The following CYLC2 variants were observed in gnomAD, a reference collection of about 807,000 sequenced individuals.
The protein encoded by CYLC2 is cylicin 2, also known as cylicin-2.
Under a neutral mutation model 26.1 loss-of-function variants are expected in CYLC2, and 30 were observed. The ratio of observed to expected loss-of-function variants is 1.15; its 90% CI spans 0.86 to 1.56. The LOEUF (loss-of-function observed/expected upper bound fraction) is 1.56, where lower values mean the gene tolerates loss of function less well. CYLC2 is among the 40% of genes most tolerant of loss of function. The pLI, the probability that CYLC2 is intolerant of heterozygous loss-of-function variation, is 0.00. For missense variants in CYLC2, 498 were observed against 394.4 expected, an observed-to-expected ratio of 1.26 and a Z score of -2.23; for synonymous variants, 158 against 132.8, an observed-to-expected ratio of 1.19 and a Z score of -1.31.
chr9:103,010,236 T>C (rs1322246521), intron 5 of CYLC2, among the ~76,000 whole-genome samples: 1 of 152,056 alleles, frequency 6.6e-6, no homozygotes, highest in Non-Finnish European at 1.5e-5. Flanking sequence ...CAAATTACTT[T>C]ATAATCAAGA....
rs536866680 is a variant in CYLC2 at position 103,006,580 on chromosome 9, A to T, written c.*700+202A>T. Among the ~76,000 whole-genome samples the T allele has an allele frequency of 2.0e-4, 31 of 151,772 alleles. No individual in the cohort carries two copies. In the East Asian group the frequency reaches 2.7e-3, roughly 13 times the overall value. The stretch of plus-strand genomic sequence containing the variant: ...GGCGCCTGCCACCAAGCCCAGCTGA[A>T]TTTTTTTGTATTTTTAGTAGAGACG... On this transcript the variant is annotated intron_variant, in intron 5 of 7. Coordinates refer to ENST00000374798, the MANE Select transcript of CYLC2 (RefSeq NM_001340.5).
intron 1 of CYLC2, among the ~76,000 whole-genome samples, chr9:102,996,573 C>T (rs183556952): frequency 2.0e-5 from 3 of 151,866 alleles, no homozygotes; most frequent in Non-Finnish European, 4.4e-5. Context: ...TTCTTAATAA[C>T]AAATTAGCAT....
intron 6 of CYLC2, among the ~76,000 whole-genome samples, chr9:103,013,103 A>G (rs934191655): frequency 7.2e-6 from 1 of 139,260 alleles, no homozygotes; most frequent in African/African-American, 2.6e-5. Flanking sequence ...ATATAAAAAT[A>G]TATATCATAA....
intron 3 of CYLC2, 122 bp downstream of exon 3, chr9:103,003,385 T>G: frequency 1.2e-6 from 1 of 856,848 alleles, no homozygotes; most frequent in Non-Finnish European, 1.7e-6. Context: ...TGTGAAATCA[T>G]GTATAGTTGT....
chr9:103,017,778 A>G (rs1174224173), intron 7 of CYLC2, among the ~76,000 whole-genome samples: 1 of 151,954 alleles, frequency 6.6e-6, no homozygotes, highest in Non-Finnish European at 1.5e-5. Context: ...AGTGTTCTGG[A>G]AGGCTAAAAG....
chr9:103,002,357 C>CCCTT lies in CYLC2; in HGVS notation c.58+739_58+740insCCTT. ...TTCTTGGGTGTATAGCATTTGCCCCCTTTTTTTTTTTTTTTTTTTTTTTTT... is the reference window on the plus strand; with the variant it reads ...TTCTTGGGTGTATAGCATTTGCCCCCCCTTTTTTTTTTTTTTTTTTTTTTTTTTT... On this transcript the variant is annotated intron_variant, in intron 2 of 7. Coordinates refer to ENST00000374798, the MANE Select transcript of CYLC2 (RefSeq NM_001340.5). Among the ~76,000 whole-genome samples the CCCTT allele has an allele frequency of 5.2e-5, 4 of 77,620 alleles. 2 individuals carry two copies. Among genetic ancestry groups the CCCTT allele is most frequent in the Non-Finnish European group, 4.6e-5 (2 of 43,250 alleles). The allele number at this position is 77,620 out of a possible 152,430, so 50.9% of individuals were successfully genotyped here. A position where few individuals can be genotyped will look rare whatever the true frequency, so the allele number is the denominator to read the frequency against.
intron 6 of CYLC2, among the ~76,000 whole-genome samples, chr9:103,015,923 C>T (rs949711734): frequency 1.3e-5 from 2 of 149,710 alleles, no homozygotes; most frequent in Non-Finnish European, 3.0e-5. Flanking sequence ...CATTAAGGCT[C>T]AGGTCTGGAA....
intron 6 of CYLC2, among the ~76,000 whole-genome samples, chr9:103,013,065 G>T (rs374819730): frequency 7.0e-6 from 1 of 142,540 alleles, no homozygotes; most frequent in Non-Finnish European, 1.5e-5. Context: ...AAAACTAATT[G>T]TATATGTATA....
At chr9:102,995,442 CT>C in intron 1 of CYLC2, 45 bp downstream of exon 1, 1 of 1,420,956 alleles carries the variant, frequency 7.0e-7, no homozygotes, top group Non-Finnish European at 9.9e-7. Flanking sequence ...TACTCGTTAG[CT>C]TTACATTTAA....
chr9:103,012,447 C>T (rs1349733712), intron 6 of CYLC2, among the ~76,000 whole-genome samples: 2 of 151,802 alleles, frequency 1.3e-5, no homozygotes, highest in Non-Finnish European at 2.9e-5. Flanking sequence ...CTGAAGACAC[C>T]GAATATTTTC....
chr9:102,997,874 C>A (rs1433432356), intron 1 of CYLC2, among the ~76,000 whole-genome samples: 1 of 151,798 alleles, frequency 6.6e-6, no homozygotes, highest in African/African-American at 2.4e-5. Flanking sequence ...TAAAGGTTTA[C>A]CCCTGAAAAA....
intron 5 of CYLC2, among the ~76,000 whole-genome samples, chr9:103,009,000 C>T (rs972618121): frequency 6.6e-6 from 1 of 152,118 alleles, no homozygotes; most frequent in Non-Finnish European, 1.5e-5. Context: ...TTTCCCTGCC[C>T]TCATGTGACA....
At chr9:102,997,643 A>G (rs985506243) in intron 1 of CYLC2, among the ~76,000 whole-genome samples, 1 of 152,000 alleles carries the variant, frequency 6.6e-6, no homozygotes, top group African/African-American at 2.4e-5. Context: ...CTAGCAAGAT[A>G]TCTGGCAATA....
At chr9:103,016,603 A>T (rs10990437) in intron 6 of CYLC2, among the ~76,000 whole-genome samples, 6 of 151,758 alleles carry the variant, frequency 4.0e-5, no homozygotes, top group Non-Finnish European at 8.8e-5. Context: ...AATCTCTATC[A>T]GTGACCTATT....
chr9:103,002,356 CCTTTTT>C (rs1829296680), intron 2 of CYLC2, among the ~76,000 whole-genome samples: 8 of 125,820 alleles, frequency 6.4e-5, no homozygotes, highest in Admixed American at 4.4e-4. Flanking sequence ...GCATTTGCCC[CCTTTTT>C]TTTTTTTTTT....
chr9:103,005,809 AAAG>A lies in CYLC2; in HGVS notation c.*135_*137del. 9.7e-7 allele frequency: 1 copy of A among 1,027,472 alleles called. No homozygotes were observed. The highest frequency in any genetic ancestry group is 1.4e-6 in the Non-Finnish European group (1 of 698,878). 63.6% of individuals were successfully genotyped at this position (1,027,472 alleles called of 1,614,324 possible). ...AATTAAATAATTTTTAAAAGGTGGT[AAAG>A]AAGGATACAAAGGAGAACTCAGCAG... On this transcript the variant is annotated 3_prime_UTR_variant, in exon 5 of 8. Coordinates refer to ENST00000374798, the MANE Select transcript of CYLC2 (RefSeq NM_001340.5).
chr9:103,014,889 G>A (rs1228084220), intron 6 of CYLC2, among the ~76,000 whole-genome samples: 1 of 133,014 alleles, frequency 7.5e-6, no homozygotes, highest in African/African-American at 2.8e-5. Context: ...TGTATATTAT[G>A]TAATATACAT....
intron 3 of CYLC2, 87 bp downstream of exon 3, chr9:103,003,350 T>TAA (rs1829308259): frequency 8.4e-7 from 1 of 1,188,856 alleles, no homozygotes; most frequent in East Asian, 2.6e-5. Flanking sequence ...ATAATTAGTC[T>TAA]TAAGTAATCA....
intron 1 of CYLC2, 69 bp from the exon 2 acceptor site, chr9:103,001,509 A>G (rs1342212551): frequency 1.1e-6 from 1 of 943,614 alleles, no homozygotes; most frequent in Non-Finnish European, 1.6e-6. Flanking sequence ...TACTGGAGTA[A>G]AATAATGACA....
Sources: allele counts gnomAD v4.1 joint callset (sites outside exome capture counted in the v4.1 genomes callset), GRCh38; gene constraint gnomAD v4.1.1; transcripts MANE v1.5; gene names NCBI Gene and HGNC (gene_info 2026-07-23, HGNC 2026-07-21).